The following PTGR2 variants were observed in gnomAD, a reference collection of about 807,000 sequenced individuals.
PTGR2 encodes the protein prostaglandin reductase 2.
A neutral mutation model predicts 43.4 loss-of-function variants in PTGR2; 32 were observed. The ratio of observed to expected loss-of-function variants is 0.74; its 90% CI spans 0.56 to 0.99. PTGR2 has a LOEUF of 0.99. Among genes scored for constraint, PTGR2 ranks in the 50% least tolerant of loss-of-function variants. The pLI, the probability that PTGR2 is intolerant of heterozygous loss-of-function variation, is 0.00. For missense variants in PTGR2, 373 were observed against 420.0 expected (o/e 0.89, Z 0.98); for synonymous variants, 106 against 139.2 (o/e 0.76, Z 1.68).
chr14:73,881,277 A>T lies in PTGR2; in HGVS notation c.924A>T (p.Lys308Asn). Reference sequence around the variant, plus strand: ...TTCTACAGCTGAGTCAGTGGTTTAAAGAAGGAAAGCTAAAGGTAGAACTTC... The same window carrying T: ...TTCTACAGCTGAGTCAGTGGTTTAATGAAGGAAAGCTAAAGGTAGAACTTC... ...PGILQLSQWF[K>N]EGKLKIKETV... The change falls in exon 8 of 10, where the codon AAA becomes AAT. Residue 308 changes from lysine to asparagine, a missense_variant. Physicochemically the swap from Lys to Asn is moderately conservative, Grantham distance 94. Transcript: ENST00000555661. 1 of 1,599,188 alleles carries T rather than the reference A, an allele frequency of 6.3e-7. No individual in the cohort carries two copies. The highest frequency in any genetic ancestry group is 8.6e-7 in the Non-Finnish European group (1 of 1,166,748).
intron 3 of PTGR2, chr14:73,861,252 A>G (rs2054482893): frequency 6.6e-6 from 1 of 152,228 alleles, no homozygotes; most frequent in Admixed American, 6.5e-5. Flanking sequence ...CTACTTCTAG[A>G]TAAATAAGAT....
chr14:73,882,449 T>C lies in PTGR2; in HGVS notation c.979+11T>C. ...TGGAAAACATGGGAGGTAAGATGAA[T>C]GTAGACTTATTATATACACATGCTC... On this transcript the variant is annotated intron_variant, in intron 9 of 9. Coordinates refer to ENST00000555661, the MANE Select transcript of PTGR2 (RefSeq NM_001146154.2). 2.0e-6 allele frequency: 3 copies of C among 1,524,732 alleles called. No individual in the cohort carries two copies. Among genetic ancestry groups the C allele is most frequent in the Non-Finnish European group, 2.7e-6 (3 of 1,100,594 alleles). 94.5% of individuals were successfully genotyped at this position (1,524,732 alleles called of 1,614,324 possible). A position where few individuals can be genotyped will look rare whatever the true frequency, so the allele number is the denominator to read the frequency against.
chr14:73,878,611 A>C, intron 5 of PTGR2: 1 of 462,564 alleles, frequency 2.2e-6, no homozygotes, highest in Non-Finnish European at 4.2e-6. Flanking sequence ...CAGCCACCGT[A>C]TGTGGCTGAA....
chr14:73,883,188 C>CTTTTTTTTTTTTTTTTTTTTTTTTT (rs58234739), intron 9 of PTGR2, among the ~76,000 whole-genome samples: 1 of 58,152 alleles, frequency 1.7e-5, no homozygotes, highest in African/African-American at 7.9e-5. Flanking sequence ...CCTCACCTCC[C>CTTTTTTTTTTTTTTTTTTTTTTTTT]TTTTTTTTTT....
chr14:73,882,454 A>G lies in PTGR2; in HGVS notation c.979+16A>G, dbSNP rs1191654557. 6.7e-6 allele frequency: 10 copies of G among 1,495,212 alleles called. No homozygotes were observed. Among genetic ancestry groups the G allele is most frequent in the East Asian group, 4.5e-5 (2 of 44,300 alleles). The allele number at this position is 1,495,212 out of a possible 1,614,324, so 92.6% of individuals were successfully genotyped here. Reference sequence around the variant, plus strand: ...AACATGGGAGGTAAGATGAATGTAGACTTATTATATACACATGCTCAGCAC... The same window carrying G: ...AACATGGGAGGTAAGATGAATGTAGGCTTATTATATACACATGCTCAGCAC... On this transcript the variant is annotated intron_variant, in intron 9 of 9. Coordinates refer to ENST00000555661, the MANE Select transcript of PTGR2 (RefSeq NM_001146154.2).
chr14:73,880,246 C>G (rs1157287071), intron 7 of PTGR2, 70 bp downstream of exon 7: 2 of 1,553,566 alleles, frequency 1.3e-6, no homozygotes, highest in Non-Finnish European at 1.8e-6. Flanking sequence ...TGTATGAAAT[C>G]TATTGTTCTT....
intron 3 of PTGR2, chr14:73,861,401 T>A (rs2054486530): frequency 6.6e-6 from 1 of 152,206 alleles, no homozygotes; most frequent in African/African-American, 2.4e-5. Flanking sequence ...CTTTTTCCTA[T>A]GGCCATGACA....
intron 3 of PTGR2, among the ~76,000 whole-genome samples, chr14:73,868,133 A>C (rs1426434245): frequency 6.6e-6 from 1 of 152,102 alleles, no homozygotes; most frequent in Non-Finnish European, 1.5e-5. Context: ...CTAAAAATAC[A>C]AAAAAATTAG....
chr14:73,860,467 A>AAAT (rs372577049), intron 2 of PTGR2, 72 bp from the exon 3 acceptor site: 107 of 709,566 alleles, frequency 1.5e-4, no homozygotes, highest in Middle Eastern at 4.1e-4. Context: ...ACTCTGTCTC[A>AAAT]AATAATAATA....
intron 3 of PTGR2, among the ~76,000 whole-genome samples, chr14:73,873,113 G>T (rs974180167): frequency 2.6e-5 from 4 of 152,056 alleles, no homozygotes; most frequent in African/African-American, 9.7e-5. Context: ...TTCGAGACCA[G>T]CCTGACCAAC....
intron 1 of PTGR2, among the ~76,000 whole-genome samples, chr14:73,855,357 G>T (rs75114347): frequency 0.011 from 1,680 of 152,232 alleles, 24 homozygotes; most frequent in African/African-American, 0.038. Context: ...GACAGACGAT[G>T]AGCCTCCCAT....
In PTGR2 at chr14:73,858,808, A is replaced by G. The variant is rs562876396; in HGVS notation, c.-47-8A>G. On this transcript the variant is annotated splice_polypyrimidine_tract_variant and splice_region_variant and intron_variant, in intron 1 of 9. Transcript: ENST00000555661. The stretch of plus-strand genomic sequence containing the variant: ...AATCTTGTGATTTAAAAATTTTTTT[A>G]TTTATAGGAGTATTTTATACAGAAA... 1.4e-6 allele frequency: 2 copies of G among 1,433,472 alleles called. No homozygotes were observed. Among genetic ancestry groups the G allele is most frequent in the Admixed American group, 2.0e-5 (1 of 50,518 alleles). 88.8% of individuals were successfully genotyped at this position (1,433,472 alleles called of 1,614,324 possible). A position where few individuals can be genotyped will look rare whatever the true frequency, so the allele number is the denominator to read the frequency against.
intron 4 of PTGR2, among the ~76,000 whole-genome samples, chr14:73,876,409 T>C (rs549710980): frequency 2.0e-5 from 3 of 152,020 alleles, no homozygotes; most frequent in Non-Finnish European, 2.9e-5. Context: ...TCTTGCTGTG[T>C]CCTCAGGCAG....
chr14:73,864,365 C>T (rs955444500), intron 3 of PTGR2, among the ~76,000 whole-genome samples: 3 of 152,156 alleles, frequency 2.0e-5, no homozygotes, highest in Non-Finnish European at 4.4e-5. Context: ...GAGGAACTAC[C>T]GAACTATTTT....
rs1408593801 is a variant in PTGR2, at chr14:73,884,407, C to T, written c.*230C>T. 1 of 304,034 alleles carries T rather than the reference C, an allele frequency of 3.3e-6. No individual in the cohort carries two copies. Among genetic ancestry groups the T allele is most frequent in the Non-Finnish European group, 5.9e-6 (1 of 169,530 alleles). 18.8% of individuals were successfully genotyped at this position (304,034 alleles called of 1,614,324 possible). A position where few individuals can be genotyped will look rare whatever the true frequency, so the allele number is the denominator to read the frequency against. On this transcript the variant is annotated 3_prime_UTR_variant, in exon 10 of 10. Transcript: ENST00000555661. The stretch of plus-strand genomic sequence containing the variant: ...ACTTTTATTAATTTAAAATAGAACG[C>T]TTGAGAGGCACTTTGTAAAGATTTG...
At chr14:73,863,394 G>T (rs1488617083) in intron 3 of PTGR2, among the ~76,000 whole-genome samples, 1 of 151,902 alleles carries the variant, frequency 6.6e-6, no homozygotes, top group African/African-American at 2.4e-5. Context: ...CGGCTGCCTT[G>T]ACCTTCTGGG....
At chr14:73,870,272 G>A (rs1035142829) in intron 3 of PTGR2, among the ~76,000 whole-genome samples, 18 of 145,376 alleles carry the variant, frequency 1.2e-4, no homozygotes, top group Middle Eastern at 3.4e-3. Context: ...TCTGCCTCCC[G>A]GGTTCAAGTG....
chr14:73,860,958 T>A (rs1291957480), intron 3 of PTGR2: 1 of 181,136 alleles, frequency 5.5e-6, no homozygotes, highest in African/African-American at 2.4e-5. Context: ...ATTCAGTAAA[T>A]AAAGCTTTAA....
chr14:73,873,425 A>T (rs1236572337), intron 3 of PTGR2, among the ~76,000 whole-genome samples: 3 of 152,016 alleles, frequency 2.0e-5, no homozygotes, highest in African/African-American at 4.8e-5. Context: ...GAACACTTAG[A>T]ATCTACCCTT....
Sources: gnomAD v4.1 joint callset for allele counts (sites outside exome capture counted in the v4.1 genomes callset) on GRCh38, gnomAD v4.1.1 for gene constraint, MANE v1.5 for transcripts, NCBI Gene and HGNC (gene_info 2026-07-23, HGNC 2026-07-21) for gene names.